Variants in SWT1 observed in about 807,000 individuals in gnomAD.
SWT1 encodes SWT1 RNA endoribonuclease homolog.
In SWT1, 33 loss-of-function variants were observed where a neutral mutation model predicts 107.3. The observed-to-expected ratio is 0.31, with a 90% confidence interval of 0.23 to 0.41. The LOEUF (loss-of-function observed/expected upper bound fraction) is 0.41, where lower values mean the gene tolerates loss of function less well. SWT1 is among the 10% of genes least tolerant of loss of function. SWT1 has a pLI of 1.00. For missense variants in SWT1, 898 were observed against 1,028.9 expected (o/e 0.87, Z 1.74); for synonymous variants, 345 against 348.3 (o/e 0.99, Z 0.11).
chr1:185,170,127 C>G (rs897276885), intron 4 of SWT1, among the ~76,000 whole-genome samples: 18 of 152,208 alleles, frequency 1.2e-4, no homozygotes, highest in South Asian at 2.1e-4. Context: ...TTTGAACATT[C>G]AATTTTCAGC....
In SWT1 at chr1:185,211,802, A is replaced by G. The variant is rs566067698; in HGVS notation, c.1973-2705A>G. ...TTCACAATAGCAAAGACTTGGAACC[A>G]ACCCAAATGTCCAACAATGATAGAC... On this transcript the variant is annotated intron_variant, in intron 13 of 18. Transcript: ENST00000367500. Among the ~76,000 whole-genome samples the G allele has an allele frequency of 3.9e-5, 6 of 152,314 alleles. No individual in the cohort carries two copies. The South Asian group carries it at 1.2e-3, about 32-fold the overall frequency.
At chr1:185,215,611 T>C (rs1230459320) in intron 14 of SWT1, among the ~76,000 whole-genome samples, 1 of 152,172 alleles carries the variant, frequency 6.6e-6, no homozygotes, top group Non-Finnish European at 1.5e-5. Flanking sequence ...CGATCAGGGC[T>C]CACTGCAACC....
intron 15 of SWT1, among the ~76,000 whole-genome samples, chr1:185,222,762 C>CAAAAAAAAA (rs59515070): frequency 5.5e-5 from 2 of 36,080 alleles, no homozygotes; most frequent in African/African-American, 1.8e-4. Flanking sequence ...GACGCCATCT[C>CAAAAAAAAA]AAAAAAAAAA....
chr1:185,160,680 C>T (rs1047519908), intron 1 of SWT1, among the ~76,000 whole-genome samples, 153 bp from the exon 2 acceptor site: 1 of 151,562 alleles, frequency 6.6e-6, no homozygotes, highest in African/African-American at 2.4e-5. Context: ...CCAGCCTGAG[C>T]GATGGAGCGA....
intron 16 of SWT1, among the ~76,000 whole-genome samples, chr1:185,250,417 C>A (rs1487577398): frequency 1.3e-5 from 2 of 152,158 alleles, no homozygotes. Flanking sequence ...TGTTTTCCTG[C>A]CATTCCTGTT....
At chr1:185,218,527 T>C (rs1659397109) in intron 14 of SWT1, among the ~76,000 whole-genome samples, 1 of 152,138 alleles carries the variant, frequency 6.6e-6, no homozygotes, top group Non-Finnish European at 1.5e-5. Flanking sequence ...CCCAGGTTGG[T>C]CTTGAACTCC....
At chr1:185,264,928 CAT>C (rs201006187) in intron 16 of SWT1, among the ~76,000 whole-genome samples, 2 of 152,188 alleles carry the variant, frequency 1.3e-5, no homozygotes, top group East Asian at 3.9e-4. Flanking sequence ...ACATGTAAGA[CAT>C]ATAATCTATT....
intron 10 of SWT1, among the ~76,000 whole-genome samples, chr1:185,191,030 A>G (rs1055707963): frequency 1.3e-5 from 2 of 152,176 alleles, no homozygotes; most frequent in Non-Finnish European, 2.9e-5. Context: ...CCTATTACAG[A>G]GTTAGACTGC....
At chr1:185,195,771 T>G (rs117443436) in intron 10 of SWT1, among the ~76,000 whole-genome samples, 1 of 152,256 alleles carries the variant, frequency 6.6e-6, no homozygotes, top group East Asian at 1.9e-4. Flanking sequence ...TTTTTCCATA[T>G]GTTTGTTGAC....
At chr1:185,247,066 C>G (rs188053225) in intron 16 of SWT1, among the ~76,000 whole-genome samples, 59 of 152,280 alleles carry the variant, frequency 3.9e-4, no homozygotes, top group Non-Finnish European at 2.5e-4. Flanking sequence ...TTATTACCTT[C>G]AGTCCTTAGG....
intron 16 of SWT1, among the ~76,000 whole-genome samples, chr1:185,257,017 C>T (rs1662595658): frequency 6.6e-6 from 1 of 152,082 alleles, no homozygotes; most frequent in African/African-American, 2.4e-5. Flanking sequence ...CCCTCAGCTT[C>T]AGGTGTGTTG....
chr1:185,236,095 T>A (rs1203563238), intron 16 of SWT1, among the ~76,000 whole-genome samples: 5 of 152,108 alleles, frequency 3.3e-5, no homozygotes, highest in Non-Finnish European at 7.4e-5. Context: ...GTAGGAAGAA[T>A]CAATATCATC....
intron 16 of SWT1, among the ~76,000 whole-genome samples, chr1:185,268,817 T>G (rs1558091192): frequency 6.6e-6 from 1 of 151,908 alleles, no homozygotes; most frequent in Non-Finnish European, 1.5e-5. Flanking sequence ...TATAAAATAT[T>G]CCACATGGCT....
chr1:185,225,045 C>T (rs1228229694), intron 15 of SWT1, among the ~76,000 whole-genome samples: 1 of 151,978 alleles, frequency 6.6e-6, no homozygotes, highest in Non-Finnish European at 1.5e-5. Flanking sequence ...ATGATGTTAA[C>T]TATGGGTTTG....
At chr1:185,279,301 C>A (rs77302877) in intron 18 of SWT1, among the ~76,000 whole-genome samples, 2 of 152,050 alleles carry the variant, frequency 1.3e-5, no homozygotes, top group Admixed American at 6.6e-5. Flanking sequence ...TCCTAGTAGA[C>A]GTCTAGAATT....
chr1:185,215,985 A>G (rs1659187908), intron 14 of SWT1, among the ~76,000 whole-genome samples: 1 of 152,158 alleles, frequency 6.6e-6, no homozygotes, highest in Non-Finnish European at 1.5e-5. Context: ...TGAGGAACTG[A>G]ATTGTCCAGG....
At chr1:185,161,457 C>T (rs1182048425) in intron 2 of SWT1, among the ~76,000 whole-genome samples, 1 of 151,870 alleles carries the variant, frequency 6.6e-6, no homozygotes, top group Non-Finnish European at 1.5e-5. Context: ...ATAATCTTGG[C>T]ACTTTGGGAG....
In SWT1 at chr1:185,166,667, A is replaced by T. The variant is rs1391909548; in HGVS notation, c.165+15A>T. On this transcript the variant is annotated intron_variant, in intron 3 of 18. Transcript: ENST00000367500. ...AGAGAAAACTGGTGAGTGTCTAGAT[A>T]TAACTAACTAAAAGTTATTTATGCT... 1 of 1,478,212 alleles carries T rather than the reference A, an allele frequency of 6.8e-7. No individual in the cohort carries two copies. 91.6% of individuals were successfully genotyped at this position (1,478,212 alleles called of 1,614,324 possible).
At chr1:185,214,412 T>C (rs1467142816) in intron 13 of SWT1, 95 bp from the exon 14 acceptor site, 5 of 978,714 alleles carry the variant, frequency 5.1e-6, no homozygotes, top group Non-Finnish European at 7.5e-6. Context: ...TGTATACTCT[T>C]TTTAAATTTC....
Sources: gnomAD v4.1 joint callset for allele counts (sites outside exome capture counted in the v4.1 genomes callset) on GRCh38, gnomAD v4.1.1 for gene constraint, MANE v1.5 for transcripts, NCBI Gene and HGNC (gene_info 2026-07-23, HGNC 2026-07-21) for gene names.